The following CPEB3 variants were observed in gnomAD, a reference collection of about 807,000 sequenced individuals.
CPEB3 encodes the protein cytoplasmic polyadenylation element binding protein 3, also known as cytoplasmic polyadenylation element-binding protein 3.
Under a neutral mutation model 67.2 loss-of-function variants are expected in CPEB3, and 20 were observed. The observed-to-expected ratio is 0.30, with a 90% CI of 0.21 to 0.43. The LOEUF is 0.43. CPEB3 is among the 20% of genes least tolerant of loss of function. The pLI is 1.00. For synonymous variants in CPEB3, 376 were observed against 393.1 expected, an observed-to-expected ratio of 0.96 and a Z score of 0.51; for missense variants, 746 against 968.6, an observed-to-expected ratio of 0.77 and a Z score of 3.05.
chr10:92,244,226 A>C (rs985534515), intron 1 of CPEB3, among the ~76,000 whole-genome samples: 1 of 151,790 alleles, frequency 6.6e-6, no homozygotes, highest in African/African-American at 2.4e-5. Flanking sequence ...AGGAGCCTGT[A>C]ATCCCAGCTA....
chr10:92,144,272 AT>A (rs1477879786), intron 5 of CPEB3, among the ~76,000 whole-genome samples: 3 of 152,016 alleles, frequency 2.0e-5, no homozygotes, highest in African/African-American at 4.8e-5. Context: ...ATTTGTTTTT[AT>A]TTATTTATTT....
chr10:92,088,069 G>C (rs966725529), intron 8 of CPEB3, among the ~76,000 whole-genome samples: 1 of 152,120 alleles, frequency 6.6e-6, no homozygotes, highest in Non-Finnish European at 1.5e-5. Context: ...CGATGGGAAT[G>C]ATGAAAGGAA....
intron 9 of CPEB3, among the ~76,000 whole-genome samples, chr10:92,060,164 C>T (rs1842285364): frequency 6.6e-6 from 1 of 151,872 alleles, no homozygotes; most frequent in Non-Finnish European, 1.5e-5. Context: ...TGAGACCAGC[C>T]TGGTCAACAT....
At chr10:92,220,077 C>T (rs1850617484) in intron 2 of CPEB3, among the ~76,000 whole-genome samples, 2 of 152,180 alleles carry the variant, frequency 1.3e-5, no homozygotes, top group South Asian at 2.1e-4. Context: ...AATGTTTGAA[C>T]CCAGGAGGTG....
intron 6 of CPEB3, among the ~76,000 whole-genome samples, chr10:92,140,478 T>C (rs1174021497): frequency 6.6e-6 from 1 of 152,092 alleles, no homozygotes; most frequent in Non-Finnish European, 1.5e-5. Context: ...CAAAAATTAA[T>C]TCAAGATGGA....
chr10:92,174,938 C>A (rs1211607014), intron 4 of CPEB3, among the ~76,000 whole-genome samples: 2 of 152,100 alleles, frequency 1.3e-5, no homozygotes, highest in African/African-American at 4.8e-5. Context: ...CCAAATGTAG[C>A]AGTAATAATA....
intron 9 of CPEB3, among the ~76,000 whole-genome samples, chr10:92,060,168 T>A (rs1317873741): frequency 2.0e-5 from 3 of 151,564 alleles, no homozygotes; most frequent in African/African-American, 7.3e-5. Context: ...ACCAGCCTGG[T>A]CAACATGGTG....
intron 8 of CPEB3, among the ~76,000 whole-genome samples, chr10:92,082,854 G>A (rs1024334786): frequency 6.6e-6 from 1 of 152,100 alleles, no homozygotes; most frequent in African/African-American, 2.4e-5. Context: ...AATGACCTGG[G>A]CCACAGCCAA....
intron 1 of CPEB3, among the ~76,000 whole-genome samples, chr10:92,280,746 A>T (rs187393341): frequency 2.1e-5 from 3 of 142,862 alleles, no homozygotes; most frequent in African/African-American, 8.1e-5. Flanking sequence ...GACGGTGAGC[A>T]TCTATTCTTT....
chr10:92,109,132 G>A (rs1844607839), intron 7 of CPEB3, among the ~76,000 whole-genome samples: 1 of 152,144 alleles, frequency 6.6e-6, no homozygotes, highest in Non-Finnish European at 1.5e-5. Flanking sequence ...CTCTCCTACA[G>A]TGTGTGACCT....
intron 2 of CPEB3, among the ~76,000 whole-genome samples, chr10:92,222,229 ATCT>A (rs1043028674): frequency 9.5e-5 from 14 of 147,458 alleles, no homozygotes; most frequent in African/African-American, 3.5e-4. Context: ...TAGAGATGGG[ATCT>A]TCTTATGTTG....
At position 92,058,592 on chromosome 10, in the gene CPEB3, C is replaced by CATACATACATAT. The variant is rs534976355; in HGVS notation, c.1870-6154_1870-6153insATATGTATGTAT. Among the ~76,000 whole-genome samples the CATACATACATAT allele has an allele frequency of 2.9e-3, 407 of 140,360 alleles. 5 individuals are homozygous for CATACATACATAT. Among genetic ancestry groups the CATACATACATAT allele is most frequent in the African/African-American group, 8.5e-3 (295 of 34,726 alleles). The allele number at this position is 140,360 out of a possible 152,430, so 92.1% of individuals were successfully genotyped here. A position where few individuals can be genotyped will look rare whatever the true frequency, so the allele number is the denominator to read the frequency against. ...ACATACATACATACATACATACATA[C>CATACATACATAT]ATATATATATATATATAAATTAATT... On this transcript the variant is annotated intron_variant, in intron 9 of 9. Transcript: ENST00000265997.
intron 2 of CPEB3, chr10:92,216,469 G>C (rs1850403103): frequency 6.2e-7 from 1 of 1,612,848 alleles, no homozygotes; most frequent in Non-Finnish European, 8.5e-7. Context: ...TCAAGCGGAA[G>C]CTCTACAAAT....
intron 6 of CPEB3, among the ~76,000 whole-genome samples, chr10:92,125,648 A>G (rs1487870026): frequency 6.6e-6 from 1 of 152,066 alleles, no homozygotes; most frequent in Non-Finnish European, 1.5e-5. Context: ...AGGTTATGCT[A>G]TCTATCATCA....
Position 92,212,650 on chromosome 10 carries a change from G to A in CPEB3, c.1006-20014C>T, listed in dbSNP as rs545541320. Among the ~76,000 whole-genome samples, 3 of 152,248 alleles carry A rather than the reference G, an allele frequency of 2.0e-5. No homozygotes were observed. The South Asian group carries it at 6.2e-4, about 32-fold the overall frequency. On this transcript the variant is annotated intron_variant, in intron 2 of 9. Coordinates refer to ENST00000265997, the MANE Select transcript of CPEB3 (RefSeq NM_014912.5). ...GAATAAACTGAGATGTGCTGTATTT[G>A]TAAAGTACCCACCGGATTTCAAAGA...
chr10:92,063,404 A>G (rs1461342548), intron 9 of CPEB3, among the ~76,000 whole-genome samples: 1 of 152,202 alleles, frequency 6.6e-6, no homozygotes, highest in Non-Finnish European at 1.5e-5. Context: ...TAAAAGTTCT[A>G]TTAAGGACAG....
chr10:92,216,185 C>T, intron 2 of CPEB3: 1 of 650,610 alleles, frequency 1.5e-6, no homozygotes, highest in East Asian at 2.8e-5. Flanking sequence ...CGCCTGTAAT[C>T]CCAGCACTTT....
chr10:92,151,745 A>C (rs939985923), intron 4 of CPEB3, among the ~76,000 whole-genome samples: 30 of 152,282 alleles, frequency 2.0e-4, no homozygotes, highest in South Asian at 6.2e-4. Context: ...CCAGAATCTC[A>C]AAATCATTTT....
chr10:92,128,795 TACC>T (rs1401501823), intron 6 of CPEB3, among the ~76,000 whole-genome samples: 1 of 152,134 alleles, frequency 6.6e-6, no homozygotes, highest in Non-Finnish European at 1.5e-5. Context: ...CACAATAAGA[TACC>T]ACCTCACACT....
Sources: gnomAD v4.1 joint callset for allele counts (sites outside exome capture counted in the v4.1 genomes callset) on GRCh38, gnomAD v4.1.1 for gene constraint, MANE v1.5 for transcripts, NCBI Gene and HGNC (gene_info 2026-07-23, HGNC 2026-07-21) for gene names.